The following USP2 variants were observed in gnomAD, a reference collection of about 807,000 sequenced individuals.
The protein encoded by USP2 is ubiquitin carboxyl-terminal hydrolase 2.
USP2 carries 33 observed loss-of-function variants against 72.0 expected under a neutral mutation model. The observed-to-expected ratio is 0.46, with a 90% CI of 0.35 to 0.61. The LOEUF is 0.61. Among genes scored for constraint, USP2 ranks in the 20% least tolerant of loss-of-function variants. The pLI is 0.01. For missense variants in USP2, 691 were observed against 797.8 expected (o/e 0.87, Z 1.61); for synonymous variants, 296 against 312.5 (o/e 0.95, Z 0.56).
In USP2 at chr11:119,359,357, G is replaced by C; in HGVS notation, c.950-15C>G. The C allele has an allele frequency of 4.4e-6, 7 of 1,607,958 alleles. No homozygotes were observed. The highest frequency in any genetic ancestry group is 6.0e-6 in the Non-Finnish European group (7 of 1,175,592). On this transcript the variant is annotated splice_polypyrimidine_tract_variant and intron_variant, in intron 4 of 12. Transcript: ENST00000260187. ...TTTTGCAAACTCTATTGGAAGGAGA[G>C]AGTGTACAGGACAGCTGAGATATTT...
intron 4 of USP2, 62 bp from the exon 5 acceptor site, chr11:119,359,404 A>G (rs1950726828): frequency 1.9e-6 from 3 of 1,585,044 alleles, no homozygotes; most frequent in Admixed American, 1.8e-5. Context: ...CTCTGAAACT[A>G]GAATCCCAAC....
At chr11:119,364,969 T>C (rs1289850186) in intron 2 of USP2, among the ~76,000 whole-genome samples, 1 of 152,104 alleles carries the variant, frequency 6.6e-6, no homozygotes, top group South Asian at 2.1e-4. Context: ...AGTGGGGAAA[T>C]AGGCGCTCAG....
At chr11:119,378,905 G>T in intron 1 of USP2, 2 of 884,752 alleles carry the variant, frequency 2.3e-6, no homozygotes, top group Non-Finnish European at 2.7e-6. Context: ...CACCCACCGG[G>T]CCCAATGGGG....
chr11:119,375,854 A>G (rs183510472), intron 1 of USP2, among the ~76,000 whole-genome samples: 1 of 152,270 alleles, frequency 6.6e-6, no homozygotes, highest in East Asian at 1.9e-4. Flanking sequence ...TGCTGGGGCC[A>G]AACGAGGTCC....
At position 119,373,195 on chromosome 11, in the gene USP2, T is replaced by C. The variant is rs774555338; in HGVS notation, c.286A>G (p.Thr96Ala). ...TGGGKRAESQ[T>A]RGTERPLGSG... ...CCTAAAGGCCGCTCAGTACCCCGGGTCTGGCTCTCTGCCCGCTTACCACCC... is the reference window on the plus strand; with the variant it reads ...CCTAAAGGCCGCTCAGTACCCCGGGCCTGGCTCTCTGCCCGCTTACCACCC... The change falls in exon 2 of 13, where the codon ACC (threonine) becomes GCC (alanine). Residue 96 changes from threonine to alanine, a missense_variant. Transcript: ENST00000260187. 6.8e-6 allele frequency: 11 copies of C among 1,613,968 alleles called. No homozygotes were observed. The highest frequency in any genetic ancestry group is 7.6e-6 in the Non-Finnish European group (9 of 1,179,970).
chr11:119,364,002 G>T, intron 2 of USP2: 1 of 1,239,868 alleles, frequency 8.1e-7, no homozygotes, highest in East Asian at 3.3e-5. Flanking sequence ...GCATGCTGGG[G>T]GGCGGGCGGC....
chr11:119,376,373 G>T, intron 1 of USP2: 1 of 985,642 alleles, frequency 1.0e-6, no homozygotes, highest in East Asian at 1.1e-4. Flanking sequence ...AGCCTGAACT[G>T]AATGGCCCTT....
Position 119,359,625 on chromosome 11 carries a change from G to A in USP2, c.861C>T (p.Asn287=), listed in dbSNP as rs754610512. The change falls in exon 4 of 13, where the codon AAC becomes AAT. Residue 287 remains asparagine (N), a synonymous_variant. Coordinates refer to ENST00000260187, the MANE Select transcript of USP2 (RefSeq NM_004205.5). Reference sequence around the variant, plus strand: ...GGCAGTAATCTCTCAACTCCCGAGTGTTGCTCAGGCACTGCAGAATTGAGT... The same window carrying A: ...GGCAGTAATCTCTCAACTCCCGAGTATTGCTCAGGCACTGCAGAATTGAGT... ...FMNSILQCLS[N]TRELRDYCLQ... The A allele has an allele frequency of 1.9e-6, 3 of 1,613,976 alleles. No homozygotes were observed. Among genetic ancestry groups the A allele is most frequent in the Admixed American group, 1.7e-5 (1 of 60,014 alleles).
rs1263595677 is a variant in USP2 at position 119,359,772 on chromosome 11, C to T, written c.826-112G>A. On this transcript the variant is annotated intron_variant, in intron 3 of 12. Coordinates refer to ENST00000260187, the MANE Select transcript of USP2 (RefSeq NM_004205.5). ...CTACCTAGAATCCTTTCATAGGAGG[C>T]TATCCTTTCATAGCCTCAAGTTCCT... 150 of 1,445,622 alleles carry T rather than the reference C, an allele frequency of 1.0e-4. 1 individual carries two copies. The South Asian group carries it at 1.9e-3, about 18-fold the overall frequency. 89.5% of individuals were successfully genotyped at this position (1,445,622 alleles called of 1,614,324 possible). A position where few individuals can be genotyped will look rare whatever the true frequency, so the allele number is the denominator to read the frequency against.
rs1033870673 is a variant in USP2 at position 119,359,256 on chromosome 11, A to C, written c.1036T>G (p.Tyr346Asp). 3 of 1,614,012 alleles carry C rather than the reference A, an allele frequency of 1.9e-6. No individual in the cohort carries two copies. The highest frequency in any genetic ancestry group is 2.5e-6 in the Non-Finnish European group (3 of 1,179,998). The part of the protein sequence containing the change: ...PSEFKTQIQR[Y>D]APRFVGYNQQ... Reference sequence around the variant, plus strand: ...TTATAGCCAACAAAGCGCGGTGCGTATCTCTGGATCTGGGTCTTGAACTCA... The same window carrying C: ...TTATAGCCAACAAAGCGCGGTGCGTCTCTCTGGATCTGGGTCTTGAACTCA... Residue 346 changes from tyrosine to aspartate, a missense_variant, in exon 5 of 13, where the codon TAC becomes GAC. Tyr to Asp is a radical substitution (Grantham distance 160). Transcript: ENST00000260187.
At chr11:119,381,024 C>T (rs903837626) in intron 1 of USP2, among the ~76,000 whole-genome samples, 113 of 152,192 alleles carry the variant, frequency 7.4e-4, no homozygotes, top group African/African-American at 2.6e-3. Flanking sequence ...TCAAAGCTGC[C>T]TCTTTCTGGT....
intron 2 of USP2, chr11:119,363,953 CG>C (rs972856893): frequency 8.7e-4 from 67 of 76,988 alleles, no homozygotes; most frequent in South Asian, 3.1e-3. Flanking sequence ...AAGGGGGCGG[CG>C]GGGGGGTCCT....
intron 1 of USP2, among the ~76,000 whole-genome samples, chr11:119,375,127 G>A (rs1273485416): frequency 6.6e-6 from 1 of 152,208 alleles, no homozygotes; most frequent in Non-Finnish European, 1.5e-5. Flanking sequence ...AGCCCCCAGC[G>A]AGAGAAACAG....
Position 119,373,567 on chromosome 11 carries a change from G to A in USP2, c.-41-46C>T, listed in dbSNP as rs950866356. 37 of 1,448,904 alleles carry A rather than the reference G, an allele frequency of 2.6e-5. No individual in the cohort carries two copies. In the African/African-American group the frequency reaches 3.0e-4, roughly 12 times the overall value. The allele number at this position is 1,448,904 out of a possible 1,614,324, so 89.8% of individuals were successfully genotyped here. A position where few individuals can be genotyped will look rare whatever the true frequency, so the allele number is the denominator to read the frequency against. ...TTGTCAGAGGGCCCTGCCAGGTGTCGGGCTCCCACAGACCTGCTCCCCATC... is the reference window on the plus strand; with the variant it reads ...TTGTCAGAGGGCCCTGCCAGGTGTCAGGCTCCCACAGACCTGCTCCCCATC... On this transcript the variant is annotated intron_variant, in intron 1 of 12. Coordinates refer to ENST00000260187, the MANE Select transcript of USP2 (RefSeq NM_004205.5).
At chr11:119,380,082 T>G (rs1245800807) in intron 1 of USP2, among the ~76,000 whole-genome samples, 1 of 151,828 alleles carries the variant, frequency 6.6e-6, no homozygotes, top group Non-Finnish European at 1.5e-5. Context: ...GCCCGGCTAA[T>G]TTTTTTGTAA....
chr11:119,375,604 T>C (rs1950990540), intron 1 of USP2, among the ~76,000 whole-genome samples: 1 of 152,172 alleles, frequency 6.6e-6, no homozygotes, highest in Admixed American at 6.5e-5. Context: ...TCCTGCCCTA[T>C]TTTGCTTTGG....
chr11:119,363,842 C>T, intron 2 of USP2: 4 of 1,390,646 alleles, frequency 2.9e-6, no homozygotes, highest in Non-Finnish European at 3.8e-6. Context: ...GAAAAGGGCC[C>T]GCGTACCTTG....
rs1228974145 is a variant in USP2, at chr11:119,373,372, C to A, written c.109G>T (p.Ala37Ser). Residue 37 changes from alanine (A) to serine (S), a missense_variant, in exon 2 of 13, where the codon GCC (alanine) becomes TCC (serine). Ala to Ser is a moderately conservative substitution (Grantham distance 99). Transcript: ENST00000260187. ...YGAYTPSSYG[A>S]NLAASLLEKE... ...TCCAGTAAGGAGGCAGCCAGATTGG[C>A]CCCATAGGAGGACGGGGTGTAGGCA... is the stretch of plus-strand genomic sequence containing the variant. 6.2e-7 allele frequency: 1 copy of A among 1,611,786 alleles called. No homozygotes were observed. The highest frequency in any genetic ancestry group is 2.2e-5 in the East Asian group (1 of 44,878).
At chr11:119,368,084 T>C (rs1471745388) in intron 2 of USP2, among the ~76,000 whole-genome samples, 1 of 152,200 alleles carries the variant, frequency 6.6e-6, no homozygotes, top group African/African-American at 2.4e-5. Flanking sequence ...CTGCAAGGGA[T>C]GGAGACATCA....
Sources: gnomAD v4.1 joint callset for allele counts (sites outside exome capture counted in the v4.1 genomes callset) on GRCh38, gnomAD v4.1.1 for gene constraint, MANE v1.5 for transcripts, NCBI Gene and HGNC (gene_info 2026-07-23, HGNC 2026-07-21) for gene names.